The following KHDRBS2 variants were observed in gnomAD, a reference collection of about 807,000 sequenced individuals.
KHDRBS2 encodes the protein KH RNA binding domain containing, signal transduction associated 2.
In KHDRBS2, 26 loss-of-function variants were observed where a neutral mutation model predicts 44.3. The ratio of observed to expected loss-of-function variants is 0.59; its 90% CI spans 0.43 to 0.81. The LOEUF is 0.81. Ranked by LOEUF, KHDRBS2 falls within the 40% of genes least tolerant of loss-of-function variation. KHDRBS2 has a pLI of 0.00. For synonymous variants in KHDRBS2, 194 were observed against 151.1 expected (o/e 1.28, Z -2.08); for missense variants, 476 against 433.1 (o/e 1.10, Z -0.88).
chr6:62,234,690 C>T (rs2150161868), intron 1 of KHDRBS2, among the ~76,000 whole-genome samples: 1 of 152,126 alleles, frequency 6.6e-6, no homozygotes. Context: ...GTCCATTTAG[C>T]ACTGACTACC....
intron 6 of KHDRBS2, among the ~76,000 whole-genome samples, chr6:61,853,289 T>G (rs1360537279): frequency 6.6e-6 from 1 of 152,212 alleles, no homozygotes; most frequent in Non-Finnish European, 1.5e-5. Flanking sequence ...AAGGCTATTT[T>G]TATTTCCCTA....
At chr6:61,618,245 G>A in the KHDRBS2 span, among the ~76,000 whole-genome samples, 1 of 152,068 alleles carries the variant, frequency 6.6e-6, no homozygotes, top group African/African-American at 2.4e-5. Flanking sequence ...GTGTCTTTGG[G>A]AAATGACTGT....
intron 3 of KHDRBS2, among the ~76,000 whole-genome samples, chr6:61,983,080 CA>C (rs201550372): frequency 2.2e-4 from 32 of 147,316 alleles, no homozygotes; most frequent in South Asian, 6.4e-4. Context: ...AATCTGTTCT[CA>C]AAAAAAAAAT....
chr6:62,078,359 A>ATTTATCAGTTACATGGC (rs1796739725), intron 2 of KHDRBS2, among the ~76,000 whole-genome samples: 1 of 152,054 alleles, frequency 6.6e-6, no homozygotes, highest in Non-Finnish European at 1.5e-5. Context: ...GTTTTCAGAA[A>ATTTATCAGTTACATGGC]TTTATCAGTT....
At chr6:61,944,733 C>T (rs1812846986) in intron 4 of KHDRBS2, among the ~76,000 whole-genome samples, 1 of 152,152 alleles carries the variant, frequency 6.6e-6, no homozygotes, top group African/African-American at 2.4e-5. Flanking sequence ...GATCATTACA[C>T]AGTCTTGTAT....
At chr6:61,622,453 T>C in the KHDRBS2 span, among the ~76,000 whole-genome samples, 3 of 152,146 alleles carry the variant, frequency 2.0e-5, no homozygotes, top group African/African-American at 7.2e-5. Context: ...ATGTACCAGA[T>C]AGATTCAAGA....
chr6:61,896,381 T>C (rs755924782), intron 5 of KHDRBS2, among the ~76,000 whole-genome samples: 13 of 152,194 alleles, frequency 8.5e-5, no homozygotes, highest in Non-Finnish European at 1.5e-4. Flanking sequence ...AGGCTTAAGA[T>C]AGATATTTTT....
At chr6:62,001,626 C>A (rs1420398036) in intron 3 of KHDRBS2, among the ~76,000 whole-genome samples, 1 of 152,004 alleles carries the variant, frequency 6.6e-6, no homozygotes, top group African/African-American at 2.4e-5. Context: ...TAAATATATT[C>A]ACTTTTCAAT....
intron 6 of KHDRBS2, among the ~76,000 whole-genome samples, chr6:61,835,968 A>G (rs1320677305): frequency 1.3e-5 from 2 of 151,914 alleles, no homozygotes; most frequent in African/African-American, 2.4e-5. Flanking sequence ...TCCCGGGATA[A>G]CAAACATTGT....
rs762731047 is a variant in KHDRBS2 at position 62,007,384 on chromosome 6, G to A, written c.337-29172C>T. 3.2e-4 allele frequency among the ~76,000 whole-genome samples: 48 copies of A among 151,494 alleles called. 1 individual carries two copies. The highest frequency in any genetic ancestry group is 5.3e-4 in the Admixed American group (8 of 15,188). Reference sequence around the variant, plus strand: ...ATGAGAGATTACTTTGTTGGTTAAAGCTCTTTTACATTTTGATGTTTTTTT... The same window carrying A: ...ATGAGAGATTACTTTGTTGGTTAAAACTCTTTTACATTTTGATGTTTTTTT... On this transcript the variant is annotated intron_variant, in intron 3 of 8. Coordinates refer to ENST00000281156, the MANE Select transcript of KHDRBS2 (RefSeq NM_152688.4).
intron 6 of KHDRBS2, among the ~76,000 whole-genome samples, chr6:61,858,531 T>C (rs2127293068): frequency 6.6e-6 from 1 of 152,112 alleles, no homozygotes; most frequent in Non-Finnish European, 1.5e-5. Context: ...AAAAGACATG[T>C]ACTTACACTA....
intron 4 of KHDRBS2, among the ~76,000 whole-genome samples, chr6:61,947,519 A>G (rs975984632): frequency 3.9e-5 from 6 of 152,262 alleles, no homozygotes; most frequent in Middle Eastern, 3.4e-3. Flanking sequence ...GGAGAAAAAC[A>G]GAAGTGGAAG....
In KHDRBS2 at chr6:62,169,171, GTATA is replaced by G. The variant is rs538963000; in HGVS notation, c.219+8010_219+8013del. Among the ~76,000 whole-genome samples, 1,126 of 134,456 alleles carry G rather than the reference GTATA, an allele frequency of 8.4e-3. 11 individuals carry two copies. Among genetic ancestry groups the G allele is most frequent in the Non-Finnish European group, 0.014 (883 of 63,384 alleles). 88.2% of individuals were successfully genotyped at this position (134,456 alleles called of 152,430 possible). A position where few individuals can be genotyped will look rare whatever the true frequency, so the allele number is the denominator to read the frequency against. ...TGTGTATATATACGTACACATATATGTATATATGTATATATACGTATACATATAT... is the reference window on the plus strand; with the variant it reads ...TGTGTATATATACGTACACATATATGTATGTATATATACGTATACATATAT... On this transcript the variant is annotated intron_variant, in intron 2 of 8. Coordinates refer to ENST00000281156, the MANE Select transcript of KHDRBS2 (RefSeq NM_152688.4).
rs58559963 is a variant in KHDRBS2, at chr6:61,795,478, TAA to T, written c.811-62716_811-62715del. On this transcript the variant is annotated intron_variant, in intron 6 of 8. Coordinates refer to ENST00000281156, the MANE Select transcript of KHDRBS2 (RefSeq NM_152688.4). ...GTCATACACAAGTGCTTGCACATCT[TAA>T]AAAAAAAAACTGCTTTAGTTGAGGA... 5.4e-5 allele frequency among the ~76,000 whole-genome samples: 8 copies of T among 147,534 alleles called. No homozygotes were observed. In the East Asian group the frequency reaches 1.6e-3, roughly 29 times the overall value.
At chr6:62,210,782 C>T (rs910265787) in intron 1 of KHDRBS2, among the ~76,000 whole-genome samples, 2 of 151,930 alleles carry the variant, frequency 1.3e-5, no homozygotes, top group South Asian at 4.2e-4. Flanking sequence ...ATAACATAAT[C>T]ATTAATTTAA....
At chr6:61,848,502 T>TAC (rs1161450226) in intron 6 of KHDRBS2, among the ~76,000 whole-genome samples, 3 of 53,494 alleles carry the variant, frequency 5.6e-5, no homozygotes, top group African/African-American at 2.1e-4. Flanking sequence ...TATATATATA[T>TAC]ATATATATGT....
At chr6:61,660,237 G>T in the KHDRBS2 span, among the ~76,000 whole-genome samples, 1 of 151,756 alleles carries the variant, frequency 6.6e-6, no homozygotes, top group Non-Finnish European at 1.5e-5. Flanking sequence ...ACTCTGAAAA[G>T]AGTTTGGAAA....
At chr6:62,231,673 GAAAAT>G (rs1439290329) in intron 1 of KHDRBS2, among the ~76,000 whole-genome samples, 1 of 152,154 alleles carries the variant, frequency 6.6e-6, no homozygotes, top group African/African-American at 2.4e-5. Context: ...AGGTGCAGCT[GAAAAT>G]AAATTGGTAA....
chr6:61,570,755 G>T, the KHDRBS2 span, among the ~76,000 whole-genome samples: 1 of 152,050 alleles, frequency 6.6e-6, no homozygotes, highest in African/African-American at 2.4e-5. Context: ...AAGGGATTGG[G>T]GTCCCATCTT....
Sources: allele counts gnomAD v4.1 joint callset (sites outside exome capture counted in the v4.1 genomes callset), GRCh38; gene constraint gnomAD v4.1.1; transcripts MANE v1.5; gene names NCBI Gene and HGNC (gene_info 2026-07-23, HGNC 2026-07-21).